The following TMEM39A variants were observed in gnomAD, a reference collection of about 807,000 sequenced individuals.
TMEM39A encodes suppressor of SQST-1 aggregates in rpl-43 mutants.
A neutral mutation model predicts 51.9 loss-of-function variants in TMEM39A; 19 were observed. That is an observed-to-expected ratio of 0.37 (90% CI 0.26 to 0.54). The LOEUF (loss-of-function observed/expected upper bound fraction) is 0.54. Ranked by LOEUF, TMEM39A falls within the 20% of genes least tolerant of loss-of-function variation. The probability of loss-of-function intolerance (pLI) is 0.88; values close to 1 mark genes in which losing one functional copy is unlikely to be tolerated. For synonymous variants in TMEM39A, 197 were observed against 220.2 expected (o/e 0.89, Z 0.93); for missense variants, 433 against 590.5 (o/e 0.73, Z 2.76).
At chr3:119,460,287 C>T (rs1262078994) in intron 2 of TMEM39A, among the ~76,000 whole-genome samples, 1 of 151,922 alleles carries the variant, frequency 6.6e-6, no homozygotes, top group Non-Finnish European at 1.5e-5. Context: ...GATAGAAGAG[C>T]TACAGTGAAG....
intron 5 of TMEM39A, among the ~76,000 whole-genome samples, chr3:119,439,665 A>G (rs1400239489): frequency 2.0e-5 from 3 of 151,990 alleles, no homozygotes; most frequent in African/African-American, 7.2e-5. Context: ...CTACAGAGGG[A>G]GAACTGATGT....
chr3:119,452,582 C>T, intron 3 of TMEM39A, 52 bp from the exon 4 acceptor site: 1 of 1,399,212 alleles, frequency 7.1e-7, no homozygotes, highest in Non-Finnish European at 1.0e-6. Context: ...GTGTATTCAG[C>T]TGGCACTACT....
At chr3:119,433,812 A>T (rs2080930481) in intron 8 of TMEM39A, among the ~76,000 whole-genome samples, 1 of 152,120 alleles carries the variant, frequency 6.6e-6, no homozygotes, top group South Asian at 2.1e-4. Context: ...CACCTTCCCC[A>T]TGTTCCTCCC....
Position 119,431,847 on chromosome 3 carries a change from T to TAA in TMEM39A, c.*133_*134insTT, listed in dbSNP as rs1401651335. The TAA allele has an allele frequency of 5.0e-6, 3 of 598,008 alleles. No homozygotes were observed. The African/African-American group carries it at 5.8e-5, about 12-fold the overall frequency. The allele number at this position is 598,008 out of a possible 1,614,324, so 37.0% of individuals were successfully genotyped here. A position where few individuals can be genotyped will look rare whatever the true frequency, so the allele number is the denominator to read the frequency against. On this transcript the variant is annotated 3_prime_UTR_variant, in exon 9 of 9. Coordinates refer to ENST00000319172, the MANE Select transcript of TMEM39A (RefSeq NM_018266.3). The stretch of plus-strand genomic sequence containing the variant: ...GTTTACGGATACATTTAATATCCCT[T>TAA]ACTCTTCCCGACTTTCAAAACATAA...
At chr3:119,434,529 G>A (rs571619799) in intron 8 of TMEM39A, among the ~76,000 whole-genome samples, 10 of 152,210 alleles carry the variant, frequency 6.6e-5, no homozygotes, top group Non-Finnish European at 1.5e-4. Flanking sequence ...AAATACCAAT[G>A]TAACTAGAGA....
At chr3:119,436,269 G>A (rs1007118283) in intron 7 of TMEM39A, among the ~76,000 whole-genome samples, 2 of 152,128 alleles carry the variant, frequency 1.3e-5, no homozygotes, top group African/African-American at 4.8e-5. Context: ...CACAGGAGAA[G>A]CAGGGAAATA....
intron 5 of TMEM39A, among the ~76,000 whole-genome samples, chr3:119,445,392 G>A (rs2081110484): frequency 6.6e-6 from 1 of 152,068 alleles, no homozygotes; most frequent in Non-Finnish European, 1.5e-5. Flanking sequence ...AGCCTCCCGA[G>A]TAACTGGGAT....
intron 4 of TMEM39A, among the ~76,000 whole-genome samples, chr3:119,450,741 G>A (rs900113356): frequency 7.4e-5 from 10 of 135,560 alleles, no homozygotes; most frequent in African/African-American, 2.2e-4. Flanking sequence ...AGAATCGCTC[G>A]AACCTGGGAA....
intron 6 of TMEM39A, 30 bp downstream of exon 6, chr3:119,437,725 G>A: frequency 6.8e-7 from 1 of 1,461,958 alleles, no homozygotes; most frequent in Non-Finnish European, 9.2e-7. Context: ...ACAAATCCAG[G>A]AAGCACATAA....
chr3:119,443,084 A>AAAAGTG (rs1560012962), intron 5 of TMEM39A, among the ~76,000 whole-genome samples: 2 of 151,498 alleles, frequency 1.3e-5, no homozygotes, highest in African/African-American at 4.8e-5. Flanking sequence ...AAAAAAAAAA[A>AAAAGTG]AAAGTGAAGC....
rs776547808 is a variant in TMEM39A at position 119,463,478 on chromosome 3, G to C, written c.-217C>G. 58 of 398,054 alleles carry C rather than the reference G, an allele frequency of 1.5e-4. No individual in the cohort carries two copies. Among genetic ancestry groups the C allele is most frequent in the Middle Eastern group, 6.2e-4 (1 of 1,610 alleles). The allele number at this position is 398,054 out of a possible 1,614,324, so 24.7% of individuals were successfully genotyped here. ...TGGACGCAGGCAGCCCCCGCCTAGA[G>C]AATCAAGAAAAGGTGTCCAGGCTTC... On this transcript the variant is annotated 5_prime_UTR_variant, in exon 1 of 9. Transcript: ENST00000319172.
At chr3:119,435,630 G>A (rs2080958957) in intron 7 of TMEM39A, 1 of 984,000 alleles carries the variant, frequency 1.0e-6, no homozygotes, top group Non-Finnish European at 1.2e-6. Context: ...TTTTGGAAAG[G>A]TTAGTTTCCT....
At position 119,434,800 on chromosome 3, in the gene TMEM39A, C is replaced by A; in HGVS notation, c.1195G>T (p.Val399Leu). The A allele has an allele frequency of 1.2e-6, 2 of 1,613,746 alleles. No individual in the cohort carries two copies. Among genetic ancestry groups the A allele is most frequent in the Non-Finnish European group, 1.7e-6 (2 of 1,179,708 alleles). Residue 399 changes from valine (V) to leucine (L), a missense_variant, in exon 8 of 9, where the codon GTG becomes TTG. Val to Leu is a conservative substitution (Grantham distance 32, BLOSUM62 1). Around this residue, in one of 3 missense-constraint regions of TMEM39A, gnomAD observed 223 missense variants for 328.1 expected, o/e 0.68. Coordinates refer to ENST00000319172, the MANE Select transcript of TMEM39A (RefSeq NM_018266.3). ...CLYRAMGPYN[V>L]AVPSDVSHAR... ...TGAGATACATCTGAAGGCACTGCCA[C>A]GTTGTAAGGCCCCATGGCTCTATAT...
chr3:119,443,063 CAAAAAAAA>C (rs56263355), intron 5 of TMEM39A, among the ~76,000 whole-genome samples: 12 of 53,086 alleles, frequency 2.3e-4, no homozygotes, highest in Middle Eastern at 9.1e-3. Flanking sequence ...GACCCTGTCT[CAAAAAAAA>C]AAAAAAAAAA....
chr3:119,447,657 T>G (rs941009584), intron 4 of TMEM39A, among the ~76,000 whole-genome samples: 2 of 152,124 alleles, frequency 1.3e-5, no homozygotes, highest in Non-Finnish European at 2.9e-5. Context: ...CTCGCTCTGT[T>G]GCTGTTGCCC....
intron 3 of TMEM39A, among the ~76,000 whole-genome samples, chr3:119,456,853 G>A (rs2081271764): frequency 6.6e-6 from 1 of 152,166 alleles, no homozygotes. Context: ...CAATCCTGCT[G>A]CCTTCACCTC....
Position 119,429,547 on chromosome 3 carries a change from G to C in TMEM39A, c.*2434C>G, listed in dbSNP as rs1404619344. 2 of 152,200 alleles carry C rather than the reference G, an allele frequency of 1.3e-5. No homozygotes were observed. Among genetic ancestry groups the C allele is most frequent in the East Asian group, 3.9e-4 (2 of 5,178 alleles). 9.4% of individuals were successfully genotyped at this position (152,200 alleles called of 1,614,324 possible). On this transcript the variant is annotated 3_prime_UTR_variant, in exon 9 of 9. Coordinates refer to ENST00000319172, the MANE Select transcript of TMEM39A (RefSeq NM_018266.3). ...ATGATTACACATTTTTCTACTATCA[G>C]TGAGCAAATATAGTGTCCCTTCTGT...
intron 5 of TMEM39A, among the ~76,000 whole-genome samples, chr3:119,445,698 T>G (rs2081116404): frequency 6.6e-6 from 1 of 152,190 alleles, no homozygotes; most frequent in Non-Finnish European, 1.5e-5. Context: ...AACTTTGAAA[T>G]GCATCAAAAG....
intron 2 of TMEM39A, 83 bp from the exon 3 acceptor site, chr3:119,458,323 T>C: frequency 8.7e-7 from 1 of 1,146,668 alleles, no homozygotes; most frequent in Non-Finnish European, 1.3e-6. Flanking sequence ...GTCTCCTCCA[T>C]CTACCCCTTC....
Sources: allele counts gnomAD v4.1 joint callset (sites outside exome capture counted in the v4.1 genomes callset), GRCh38; gene constraint gnomAD v4.1.1; regional missense constraint gnomAD v4.1.1; transcripts MANE v1.5; gene names NCBI Gene and HGNC (gene_info 2026-07-23, HGNC 2026-07-21).